Variants in CHRNA4 observed in about 807,000 individuals in gnomAD.
CHRNA4 encodes cholinergic receptor nicotinic alpha 4 subunit, also known as neuronal acetylcholine receptor subunit alpha-4.
In CHRNA4, 28 loss-of-function variants were observed where a neutral mutation model predicts 48.9. That is an observed-to-expected ratio of 0.57 (90% CI 0.42 to 0.79). The LOEUF is 0.79. Among genes scored for constraint, CHRNA4 ranks in the 30% least tolerant of loss-of-function variants. The probability of loss-of-function intolerance (pLI) is 0.00; values close to 1 mark genes in which losing one functional copy is unlikely to be tolerated. For missense variants in CHRNA4, 859 were observed against 898.4 expected, an observed-to-expected ratio of 0.96 and a Z score of 0.56; for synonymous variants, 425 against 402.3, an observed-to-expected ratio of 1.06 and a Z score of -0.68.
Position 63,350,205 on chromosome 20 carries a change from G to A in CHRNA4, c.1206C>T (p.His402=). ...PPATSGTQSL[H]PPSPSFCVPL... is the part of the protein sequence containing the mutation. ...GGACACAGAAGGACGGTGAGGGCGG[G>A]TGCAGGCTCTGGGTGCCGCTCGTGG... Residue 402 remains histidine (H), a synonymous_variant, in exon 5 of 6, where the codon CAC becomes CAT. Coordinates refer to ENST00000370263, the MANE Select transcript of CHRNA4 (RefSeq NM_000744.7). The A allele has an allele frequency of 6.2e-7, 1 of 1,603,208 alleles. No homozygotes were observed. Among genetic ancestry groups the A allele is most frequent in the South Asian group, 1.1e-5 (1 of 90,036 alleles).
rs112301452 is a variant in CHRNA4 at position 63,350,859 on chromosome 20, G to A, written c.552C>T (p.Tyr184=). Residue 184 remains tyrosine (Y), a synonymous_variant, in exon 5 of 6, where the codon TAC becomes TAT. Coordinates refer to ENST00000370263, the MANE Select transcript of CHRNA4 (RefSeq NM_000744.7). The part of the protein sequence containing the change: ...NCTMKFGSWT[Y]DKAKIDLVNM... The stretch of plus-strand genomic sequence containing the variant: ...TCACCAGGTCGATCTTGGCCTTGTC[G>A]TAGGTCCAGGAGCCGAATTTCATGG... 115 of 1,613,860 alleles carry A rather than the reference G, an allele frequency of 7.1e-5. No homozygotes were observed. The highest frequency in any genetic ancestry group is 1.8e-4 in the South Asian group (16 of 91,074).
intron 4 of CHRNA4, among the ~76,000 whole-genome samples, chr20:63,351,976 C>A (rs1326095939): frequency 1.3e-5 from 2 of 152,214 alleles, no homozygotes; most frequent in African/African-American, 2.4e-5. Flanking sequence ...CACCCCCACC[C>A]ACAGAAGTCC....
Position 63,346,102 on chromosome 20 carries a change from C to G in CHRNA4, c.*636G>C. ...ACCAGCTCCACAAAACTCTGTTCTC[C>G]AAGGCTCCTTAGGCACAAGACTTGA... On this transcript the variant is annotated 3_prime_UTR_variant, in exon 6 of 6. Coordinates refer to ENST00000370263, the MANE Select transcript of CHRNA4 (RefSeq NM_000744.7). The G allele has an allele frequency of 2.2e-6, 1 of 454,108 alleles. No homozygotes were observed. The highest frequency in any genetic ancestry group is 1.6e-5 in the South Asian group (1 of 64,472). 28.1% of individuals were successfully genotyped at this position (454,108 alleles called of 1,614,324 possible).
At chr20:63,352,201 C>T (rs2068626440) in intron 4 of CHRNA4, among the ~76,000 whole-genome samples, 1 of 152,236 alleles carries the variant, frequency 6.6e-6, no homozygotes, top group Non-Finnish European at 1.5e-5. Flanking sequence ...CAGGGCCTCT[C>T]CAGGTACTTG....
chr20:63,358,909 G>A (rs2068758394), intron 2 of CHRNA4, among the ~76,000 whole-genome samples: 2 of 150,908 alleles, frequency 1.3e-5, no homozygotes, highest in South Asian at 2.1e-4. Context: ...GCCTCCCGCA[G>A]CTCAGTTCTC....
chr20:63,348,050 C>T (rs1434870708), intron 5 of CHRNA4, among the ~76,000 whole-genome samples: 2 of 152,228 alleles, frequency 1.3e-5, no homozygotes, highest in African/African-American at 4.8e-5. Context: ...CTGTGTGCCG[C>T]GTTCCATCCA....
Position 63,350,416 on chromosome 20 carries a change from T to C in CHRNA4, c.995A>G (p.His332Arg), listed in dbSNP as rs141340223. 1 of 1,613,796 alleles carries C rather than the reference T, an allele frequency of 6.2e-7. No individual in the cohort carries two copies. The highest frequency in any genetic ancestry group is 1.1e-5 in the South Asian group (1 of 91,074). Residue 332 changes from histidine to arginine, a missense_variant, in exon 5 of 6, where the codon CAC becomes CGC. This residue lies in a region of CHRNA4 where 478 missense variants were observed against 455.4 expected (regional missense o/e 1.05). Transcript: ENST00000370263. ...CATGGTGTGCGTGCGTGGCGAGCGG[T>C]GGTGCACGTTGAGCACGAAGACCGT... ...VITVFVLNVH[H>R]RSPRTHTMPT...
intron 5 of CHRNA4, chr20:63,349,396 T>C (rs2068545642): frequency 3.4e-6 from 2 of 586,578 alleles, no homozygotes; most frequent in Non-Finnish European, 6.1e-6. Context: ...CGAGGCCCAC[T>C]GTGTCCCAAA....
At position 63,349,878 on chromosome 20, in the gene CHRNA4, G is replaced by A. The variant is rs199498290; in HGVS notation, c.1533C>T (p.Ala511=). ...EADGQAAGAL[A]SRNTHSAELP... is the part of the protein sequence containing the mutation. ...GCTCAGCCGAGTGGGTGTTGCGAGA[G>A]GCCAGGGCGCCGGCAGCCTGGCCAT... The change falls in exon 5 of 6, where the codon GCC becomes GCT. Residue 511 remains alanine (A), a synonymous_variant. Transcript: ENST00000370263. 2 of 1,594,528 alleles carry A rather than the reference G, an allele frequency of 1.3e-6. No individual in the cohort carries two copies. Among genetic ancestry groups the A allele is most frequent in the East Asian group, 2.3e-5 (1 of 44,434 alleles).
At chr20:63,351,235 C>CCCGT (rs2068607949) in intron 4 of CHRNA4, 1 of 378,808 alleles carries the variant, frequency 2.6e-6, no homozygotes, top group African/African-American at 3.3e-5. Context: ...CACATCCACA[C>CCCGT]CCACGTCCAC....
At chr20:63,355,821 C>T (rs2068707680) in intron 4 of CHRNA4, 154 bp downstream of exon 4, 1 of 1,119,162 alleles carries the variant, frequency 8.9e-7, no homozygotes, top group Non-Finnish European at 1.3e-6. Flanking sequence ...CTGCTTCTTC[C>T]TTCCTGGGCC....
At chr20:63,353,499 AGGGG>A (rs1202964162) in intron 4 of CHRNA4, among the ~76,000 whole-genome samples, 1 of 11,616 alleles carries the variant, frequency 8.6e-5, no homozygotes. Flanking sequence ...CTGTGGTCCT[AGGGG>A]GGGCTGCGGT....
Position 63,346,533 on chromosome 20 carries a change from A to G in CHRNA4, c.*205T>C, listed in dbSNP as rs1020781597. 1.0e-5 allele frequency: 8 copies of G among 773,298 alleles called. No individual in the cohort carries two copies. Among genetic ancestry groups the G allele is most frequent in the African/African-American group, 1.7e-5 (1 of 58,540 alleles). 47.9% of individuals were successfully genotyped at this position (773,298 alleles called of 1,614,324 possible). On this transcript the variant is annotated 3_prime_UTR_variant, in exon 6 of 6. Coordinates refer to ENST00000370263, the MANE Select transcript of CHRNA4 (RefSeq NM_000744.7). ...CACTGCCTCCTGAGGCCACAGTCCA[A>G]CTGGAAGCAGCTCCACACTCGGTCT...
rs1035381401 is a variant in CHRNA4, at chr20:63,344,152, C to T, written c.*2586G>A. On this transcript the variant is annotated 3_prime_UTR_variant, in exon 6 of 6. Coordinates refer to ENST00000370263, the MANE Select transcript of CHRNA4 (RefSeq NM_000744.7). This position sits in a 1 kb window ranked among gnomAD's most constrained non-coding sequence, Gnocchi z 4.5. ...CGAAGGAACAGACAGCAAGGAGCTA[C>T]GGACACACACAACAGCACGGATGAA... 13 of 453,948 alleles carry T rather than the reference C, an allele frequency of 2.9e-5. No homozygotes were observed. Among genetic ancestry groups the T allele is most frequent in the Non-Finnish European group, 4.9e-5 (11 of 226,802 alleles). The allele number at this position is 453,948 out of a possible 1,614,324, so 28.1% of individuals were successfully genotyped here.
At position 63,359,709 on chromosome 20, in the gene CHRNA4, G is replaced by A. The variant is rs200490160; in HGVS notation, c.77-10C>T. 3.1e-6 allele frequency: 5 copies of A among 1,609,956 alleles called. No individual in the cohort carries two copies. The Admixed American group carries it at 6.7e-5, about 21-fold the overall frequency. ...TCCACATGGCTGCTGGCTGCGGGGA[G>A]AGGCAGGCCAGTGGCTCAGGTGCAG... On this transcript the variant is annotated splice_polypyrimidine_tract_variant and intron_variant, in intron 1 of 5. Transcript: ENST00000370263.
In CHRNA4 at chr20:63,350,251, T is replaced by C. The variant is rs45604738; in HGVS notation, c.1160A>G (p.Glu387Gly). 281 of 1,609,990 alleles carry C rather than the reference T, an allele frequency of 1.7e-4. No homozygotes were observed. The African/African-American group carries it at 2.7e-3, about 16-fold the overall frequency. Residue 387 changes from glutamate (E) to glycine (G), a missense_variant, in exon 5 of 6, where the codon GAG becomes GGG. Coordinates refer to ENST00000370263, the MANE Select transcript of CHRNA4 (RefSeq NM_000744.7). ...KMASAPRFWP[E>G]PEGEPPATSG... ...CGTGGCAGGGGGCTCCCCTTCTGGC[T>C]CGGGCCAGAAGCGCGGGGCACTGGC...
At chr20:63,349,499 G>C (rs1009202865) in intron 5 of CHRNA4, 154 bp downstream of exon 5, 53 of 1,017,330 alleles carry the variant, frequency 5.2e-5, no homozygotes, top group Non-Finnish European at 7.4e-5. Context: ...GCAGGCTTGG[G>C]AAGAGGCTGC....
chr20:63,353,719 G>T (rs1465556915), intron 4 of CHRNA4, among the ~76,000 whole-genome samples: 1 of 58,386 alleles, frequency 1.7e-5, no homozygotes, highest in Non-Finnish European at 3.7e-5. Context: ...CTGCGGTCCT[G>T]GGGGGGCTGT....
rs1364380043 is a variant in CHRNA4 at position 63,361,180 on chromosome 20, G to A, written c.-15C>T. ...CCTAGCTCCATGGCGCACGCACCTC[G>A]CGGGCTCTAGATGCGGGCGGCTCCC... On this transcript the variant is annotated 5_prime_UTR_variant, in exon 1 of 6. Coordinates refer to ENST00000370263, the MANE Select transcript of CHRNA4 (RefSeq NM_000744.7). 6.8e-7 allele frequency: 1 copy of A among 1,463,440 alleles called. No homozygotes were observed. Among genetic ancestry groups the A allele is most frequent in the South Asian group, 1.3e-5 (1 of 77,092 alleles). 90.7% of individuals were successfully genotyped at this position (1,463,440 alleles called of 1,614,324 possible).
Sources: gnomAD v4.1 joint callset for allele counts (sites outside exome capture counted in the v4.1 genomes callset) on GRCh38, gnomAD v4.1.1 for gene constraint, gnomAD v4.1.1 regional missense constraint, Gnocchi (gnomAD v3.1) non-coding constraint, MANE v1.5 for transcripts, NCBI Gene and HGNC (gene_info 2026-07-23, HGNC 2026-07-21) for gene names.